Variants in LAMA2 observed in about 807,000 individuals in gnomAD.
The protein encoded by LAMA2 is laminin subunit alpha 2, also known as laminin subunit alpha-2.
Under a neutral mutation model 364.8 loss-of-function variants are expected in LAMA2, and 269 were observed. The ratio of observed to expected loss-of-function variants is 0.74; its 90% CI spans 0.67 to 0.82. The LOEUF is 0.82. Among genes scored for constraint, LAMA2 ranks in the 40% least tolerant of loss-of-function variants. LAMA2 has a pLI of 0.00. For missense variants in LAMA2, 3,807 were observed against 3,873.2 expected (o/e 0.98, Z 0.45); for synonymous variants, 1,379 against 1,370.6 (o/e 1.01, Z -0.14).
chr6:128,924,790 C>T (rs59450971), intron 1 of LAMA2, among the ~76,000 whole-genome samples: 6,174 of 152,174 alleles, frequency 0.041, 446 homozygotes, highest in African/African-American at 0.14. Context: ...AATCATGTTG[C>T]AATTATTTTT....
At chr6:129,116,477 T>C (rs551564001) in intron 4 of LAMA2, among the ~76,000 whole-genome samples, 1 of 152,292 alleles carries the variant, frequency 6.6e-6, no homozygotes, top group African/African-American at 2.4e-5. Context: ...CCTGAAGTTC[T>C]GATCACAGCT....
chr6:129,169,305 A>C (rs1779979086), intron 9 of LAMA2, among the ~76,000 whole-genome samples: 3 of 149,294 alleles, frequency 2.0e-5, no homozygotes, highest in Non-Finnish European at 4.4e-5. Flanking sequence ...GGTTTGTCAT[A>C]GATAGCTCTT....
intron 61 of LAMA2, among the ~76,000 whole-genome samples, chr6:129,506,123 C>CAG (rs913784610): frequency 6.6e-6 from 1 of 152,130 alleles, no homozygotes; most frequent in Non-Finnish European, 1.5e-5. Context: ...GAGGCCAAGG[C>CAG]AGGCAGATCA....
chr6:129,421,316 C>G (rs980506878), intron 40 of LAMA2, among the ~76,000 whole-genome samples: 1 of 151,300 alleles, frequency 6.6e-6, no homozygotes, highest in African/African-American at 2.4e-5. Flanking sequence ...TTTTATATAA[C>G]TTGTATATCC....
rs1271902093 is a variant in LAMA2, at chr6:129,512,344, T to TA, written c.8858-15dup. On this transcript the variant is annotated intron_variant, in intron 62 of 64. Coordinates refer to ENST00000421865, the MANE Select transcript of LAMA2 (RefSeq NM_000426.4). ...CCCCATCCTCTAATCCAAAATATTT[T>TA]AAAATCTTCATTTTACAGTTGGTGG... 1 of 1,612,362 alleles carries TA rather than the reference T, an allele frequency of 6.2e-7. No individual in the cohort carries two copies. Among genetic ancestry groups the TA allele is most frequent in the African/African-American group, 1.3e-5 (1 of 75,014 alleles).
intron 12 of LAMA2, among the ~76,000 whole-genome samples, chr6:129,247,457 TAAAG>T (rs1387547552): frequency 3.3e-5 from 5 of 152,000 alleles, no homozygotes; most frequent in Admixed American, 6.6e-5. Flanking sequence ...GGTCAAAAAA[TAAAG>T]AAAGACAGAA....
intron 1 of LAMA2, among the ~76,000 whole-genome samples, chr6:128,961,340 T>G (rs1422936173): frequency 2.0e-5 from 1 of 50,024 alleles, no homozygotes; most frequent in Non-Finnish European, 3.7e-5. Flanking sequence ...TATATATATA[T>G]ATATATATAT....
At chr6:129,024,717 A>G (rs1785685497) in intron 1 of LAMA2, among the ~76,000 whole-genome samples, 1 of 152,078 alleles carries the variant, frequency 6.6e-6, no homozygotes. Flanking sequence ...ATAAATTAAT[A>G]TGATGATGAT....
chr6:129,336,947 T>G (rs1406409317), intron 29 of LAMA2, among the ~76,000 whole-genome samples: 1 of 152,202 alleles, frequency 6.6e-6, no homozygotes, highest in African/African-American at 2.4e-5. Flanking sequence ...TGGGAAAATA[T>G]CCTGACAGAT....
chr6:128,947,528 A>G (rs373225314), intron 1 of LAMA2, among the ~76,000 whole-genome samples: 1 of 152,226 alleles, frequency 6.6e-6, no homozygotes, highest in Admixed American at 6.5e-5. Flanking sequence ...TATAATACAT[A>G]GGAAAGAGGT....
At chr6:129,070,164 A>G (rs956984607) in intron 3 of LAMA2, among the ~76,000 whole-genome samples, 3 of 152,102 alleles carry the variant, frequency 2.0e-5, no homozygotes, top group African/African-American at 7.2e-5. Flanking sequence ...GTCTAGTGTA[A>G]AATGGAGCAA....
intron 12 of LAMA2, among the ~76,000 whole-genome samples, chr6:129,206,509 C>G (rs763904447): frequency 1.3e-5 from 2 of 152,180 alleles, no homozygotes; most frequent in African/African-American, 4.8e-5. Flanking sequence ...ATGCCCCAAT[C>G]CTATCTGCTA....
intron 19 of LAMA2, among the ~76,000 whole-genome samples, chr6:129,288,576 AT>A (rs755860902): frequency 3.1e-4 from 47 of 152,320 alleles, no homozygotes; most frequent in Non-Finnish European, 6.0e-4. Flanking sequence ...TTGTTGAATG[AT>A]TAACCTCATT....
chr6:129,140,942 A>C (rs1046172052), intron 4 of LAMA2, among the ~76,000 whole-genome samples: 1 of 152,086 alleles, frequency 6.6e-6, no homozygotes, highest in Non-Finnish European at 1.5e-5. Flanking sequence ...TTATTAACCT[A>C]AATGAGAATA....
At chr6:129,099,820 C>T (rs1476018952) in intron 4 of LAMA2, among the ~76,000 whole-genome samples, 1 of 152,184 alleles carries the variant, frequency 6.6e-6, no homozygotes, top group Admixed American at 6.5e-5. Context: ...ATGGTACTCT[C>T]AGCAGAAATC....
At chr6:129,129,809 A>G (rs1377222958) in intron 4 of LAMA2, among the ~76,000 whole-genome samples, 3 of 149,826 alleles carry the variant, frequency 2.0e-5, no homozygotes, top group Non-Finnish European at 3.0e-5. Flanking sequence ...CTGTAGTCCC[A>G]GCTACTTGGG....
rs2114460754 is a variant in LAMA2, at chr6:129,300,739, G to T, written c.3041G>T (p.Cys1014Phe). The change falls in exon 22 of 65, where the codon TGT becomes TTT. Residue 1014 changes from cysteine (C) to phenylalanine (F), a missense_variant. Transcript: ENST00000421865. ...FNFQEGGCTACECSHLGNNCD... is the reference protein window; with the variant it reads ...FNFQEGGCTAFECSHLGNNCD... ...TTTCCCTCTTATACCGGTGAAGCTT[G>T]TGAATGTTCTCATCTGGGTAATAAT... is the stretch of plus-strand genomic sequence containing the variant. 2 of 1,613,672 alleles carry T rather than the reference G, an allele frequency of 1.2e-6. No individual in the cohort carries two copies. Among genetic ancestry groups the T allele is most frequent in the Non-Finnish European group, 8.5e-7 (1 of 1,179,664 alleles).
Position 129,047,865 on chromosome 6 carries a change from T to C in LAMA2, c.113-2053T>C, listed in dbSNP as rs374973810. Among the ~76,000 whole-genome samples, 10 of 152,304 alleles carry C rather than the reference T, an allele frequency of 6.6e-5. No individual in the cohort carries two copies. The East Asian group carries it at 1.9e-3, about 29-fold the overall frequency. ...AATTTTTTGTTTCTTTCAATGCAAT[T>C]CTAAGGCCAACCAGGTCCGCAAGGT... On this transcript the variant is annotated intron_variant, in intron 1 of 64. Transcript: ENST00000421865.
Position 129,328,267 on chromosome 6 carries a change from T to C in LAMA2, c.4177-11T>C, listed in dbSNP as rs532936091. ...AACTTTGCTGTCCTAATTGGCTTCC[T>C]TTTCTTTCAGGCATGCTTGCCGGGA... On this transcript the variant is annotated splice_polypyrimidine_tract_variant and intron_variant, in intron 28 of 64. Coordinates refer to ENST00000421865, the MANE Select transcript of LAMA2 (RefSeq NM_000426.4). 6.2e-7 allele frequency: 1 copy of C among 1,613,566 alleles called. No homozygotes were observed. The highest frequency in any genetic ancestry group is 1.7e-5 in the Admixed American group (1 of 60,022).
Sources: allele counts gnomAD v4.1 joint callset (sites outside exome capture counted in the v4.1 genomes callset), GRCh38; gene constraint gnomAD v4.1.1; transcripts MANE v1.5; gene names NCBI Gene and HGNC (gene_info 2026-07-23, HGNC 2026-07-21).